HS6ST3: variants seen among roughly 807,000 people sequenced by gnomAD.
HS6ST3 encodes the protein heparan sulfate 6-O-sulfotransferase 3.
HS6ST3 carries 12 observed loss-of-function variants against 36.7 expected under a neutral mutation model. The ratio of observed to expected loss-of-function variants is 0.33; its 90% CI spans 0.21 to 0.53. The LOEUF is 0.53. HS6ST3 is among the 20% of genes least tolerant of loss of function. The pLI is 0.95. For synonymous variants in HS6ST3, 240 were observed against 257.5 expected, an observed-to-expected ratio of 0.93 and a Z score of 0.65; for missense variants, 584 against 640.9, an observed-to-expected ratio of 0.91 and a Z score of 0.96.
intron 1 of HS6ST3, among the ~76,000 whole-genome samples, chr13:96,416,914 G>A (rs776429820): frequency 3.9e-5 from 6 of 151,976 alleles, no homozygotes; most frequent in South Asian, 2.1e-4. Context: ...CACCATGCCC[G>A]GCTAATTTTT....
intron 1 of HS6ST3, among the ~76,000 whole-genome samples, chr13:96,515,703 C>T (rs1352903851): frequency 6.6e-6 from 1 of 152,170 alleles, no homozygotes; most frequent in African/African-American, 2.4e-5. Context: ...TCCATGCTCT[C>T]TCTCACCTGC....
chr13:96,161,260 C>T (rs756722626), intron 1 of HS6ST3, among the ~76,000 whole-genome samples: 1 of 152,034 alleles, frequency 6.6e-6, no homozygotes, highest in Non-Finnish European at 1.5e-5. Context: ...GATAGGAGAC[C>T]TTATAGAGGC....
At chr13:96,557,210 G>C (rs1010948158) in intron 1 of HS6ST3, among the ~76,000 whole-genome samples, 1 of 152,106 alleles carries the variant, frequency 6.6e-6, no homozygotes, top group African/African-American at 2.4e-5. Flanking sequence ...CTGTGAGGTG[G>C]GTCTTGTATC....
intron 1 of HS6ST3, among the ~76,000 whole-genome samples, chr13:96,831,966 A>AAAAAAAAAAAAC: frequency 6.8e-6 from 1 of 147,056 alleles, no homozygotes; most frequent in African/African-American, 2.5e-5. Flanking sequence ...AAAAAAAAAA[A>AAAAAAAAAAAAC]AAAAAAAAAA....
intron 1 of HS6ST3, among the ~76,000 whole-genome samples, chr13:96,672,177 T>C (rs558257734): frequency 8.5e-5 from 13 of 152,328 alleles, no homozygotes; most frequent in African/African-American, 3.1e-4. Flanking sequence ...TGTCTTCTTA[T>C]ACACAATACC....
At chr13:96,215,426 A>G (rs1161203195) in intron 1 of HS6ST3, among the ~76,000 whole-genome samples, 1 of 152,250 alleles carries the variant, frequency 6.6e-6, no homozygotes, top group African/African-American at 2.4e-5. Context: ...TATCCAACCT[A>G]TCATATAAAG....
Position 96,581,222 on chromosome 13 carries a change from A to ATT in HS6ST3, c.708-251254_708-251253dup, listed in dbSNP as rs11411556. On this transcript the variant is annotated intron_variant, in intron 1 of 1. Transcript: ENST00000376705. ...ACAGTCATTTCATGCAACAACTACTATTTTTTTTTTTTTTTGAGACGGAGT... is the reference window on the plus strand; with the variant it reads ...ACAGTCATTTCATGCAACAACTACTATTTTTTTTTTTTTTTTTGAGACGGAGT... 2.4e-3 allele frequency among the ~76,000 whole-genome samples: 349 copies of ATT among 142,720 alleles called. 2 individuals are homozygous for ATT. The highest frequency in any genetic ancestry group is 3.6e-3 in the African/African-American group (141 of 38,670). 93.6% of individuals were successfully genotyped at this position (142,720 alleles called of 152,430 possible).
At position 96,679,604 on chromosome 13, in the gene HS6ST3, T is replaced by C. The variant is rs373230644; in HGVS notation, c.708-152886T>C. On this transcript the variant is annotated intron_variant, in intron 1 of 1. Transcript: ENST00000376705. ...ATGCAGAGCCAAAGACAGTTTATCC[T>C]TAGCAAGCCCCTGCAGCTGCTTTCT... 2.0e-3 allele frequency among the ~76,000 whole-genome samples: 304 copies of C among 152,290 alleles called. 10 individuals are homozygous for C. The South Asian group carries it at 0.059, about 29-fold the overall frequency.
intron 1 of HS6ST3, among the ~76,000 whole-genome samples, chr13:96,514,936 C>A (rs569598293): frequency 4.0e-4 from 61 of 152,244 alleles, no homozygotes; most frequent in African/African-American, 1.4e-3. Flanking sequence ...TGAAGGTAAA[C>A]TAATAGTAAT....
chr13:96,306,588 A>G (rs925502465), intron 1 of HS6ST3, among the ~76,000 whole-genome samples: 1 of 152,142 alleles, frequency 6.6e-6, no homozygotes, highest in Non-Finnish European at 1.5e-5. Context: ...TTTTAGAGTG[A>G]CAGTGCTCAT....
intron 1 of HS6ST3, among the ~76,000 whole-genome samples, chr13:96,110,676 G>T (rs768551810): frequency 6.6e-6 from 1 of 151,994 alleles, no homozygotes; most frequent in African/African-American, 2.4e-5. Context: ...CCCCCGCCTC[G>T]GCCTCCCAAA....
intron 1 of HS6ST3, among the ~76,000 whole-genome samples, chr13:96,463,907 G>T (rs775814747): frequency 2.0e-4 from 31 of 151,620 alleles, no homozygotes; most frequent in Non-Finnish European, 3.8e-4. Context: ...AAACTAAAAC[G>T]TGTTGTGAGG....
chr13:96,826,657 C>G (rs1157429011), intron 1 of HS6ST3, among the ~76,000 whole-genome samples: 1 of 152,014 alleles, frequency 6.6e-6, no homozygotes, highest in Non-Finnish European at 1.5e-5. Flanking sequence ...TACCAAAGAG[C>G]AAAGAAAGGG....
intron 1 of HS6ST3, among the ~76,000 whole-genome samples, chr13:96,399,611 T>G (rs2139456445): frequency 6.6e-6 from 1 of 152,348 alleles, no homozygotes; most frequent in South Asian, 2.1e-4. Context: ...AATAAAATAT[T>G]TGAATGTTTG....
intron 1 of HS6ST3, among the ~76,000 whole-genome samples, chr13:96,362,902 A>G (rs1231100655): frequency 6.6e-5 from 10 of 152,212 alleles, no homozygotes; most frequent in Admixed American, 6.5e-4. Context: ...AAAAGATTGC[A>G]TACTGTGATT....
intron 1 of HS6ST3, among the ~76,000 whole-genome samples, chr13:96,632,623 T>C (rs2056535965): frequency 6.6e-6 from 1 of 152,222 alleles, no homozygotes; most frequent in East Asian, 1.9e-4. Flanking sequence ...ATGTATGCTC[T>C]CAGTGAAGGA....
At chr13:96,202,907 G>A (rs1441556943) in intron 1 of HS6ST3, among the ~76,000 whole-genome samples, 1 of 152,088 alleles carries the variant, frequency 6.6e-6, no homozygotes, top group Admixed American at 6.5e-5. Flanking sequence ...ATGAACTTAG[G>A]GAGGCAAATT....
chr13:96,328,919 T>C (rs1453109506), intron 1 of HS6ST3, among the ~76,000 whole-genome samples: 1 of 152,136 alleles, frequency 6.6e-6, no homozygotes, highest in East Asian at 1.9e-4. Flanking sequence ...GGGGAGTGTA[T>C]GTGTCAAGGA....
intron 1 of HS6ST3, among the ~76,000 whole-genome samples, chr13:96,611,020 C>T (rs1188017154): frequency 2.6e-5 from 4 of 151,686 alleles, no homozygotes; most frequent in Non-Finnish European, 4.4e-5. Context: ...AAACAAAGAC[C>T]AGAGACATAT....
Sources: allele counts gnomAD v4.1 joint callset (sites outside exome capture counted in the v4.1 genomes callset), GRCh38; gene constraint gnomAD v4.1.1; transcripts MANE v1.5; gene names NCBI Gene and HGNC (gene_info 2026-07-23, HGNC 2026-07-21).